The following AAMDC variants were observed in gnomAD, a reference collection of about 807,000 sequenced individuals.
AAMDC encodes mth938 domain-containing protein.
In AAMDC, 16 loss-of-function variants were observed where a neutral mutation model predicts 15.5. That is an observed-to-expected ratio of 1.03 (90% CI 0.70 to 1.57). AAMDC has a LOEUF of 1.57. AAMDC is among the 40% of genes most tolerant of loss of function. AAMDC has a pLI of 0.00. For missense variants in AAMDC, 141 were observed against 144.9 expected (o/e 0.97, Z 0.14); for synonymous variants, 51 against 51.6 (o/e 0.99, Z 0.05).
At chr11:77,877,737 A>G (rs1472979831) in intron 5 of AAMDC, among the ~76,000 whole-genome samples, 1 of 151,012 alleles carries the variant, frequency 6.6e-6, no homozygotes, top group Non-Finnish European at 1.5e-5. Context: ...TGACTGTTAT[A>G]TCACACTTGC....
chr11:77,852,239 A>AAAAAAAAAAAAAAAG lies in AAMDC; in HGVS notation c.132+9613_132+9614insAAAAAAAAAAAAGAA, dbSNP rs1565205847. On this transcript the variant is annotated intron_variant, in intron 2 of 3. Coordinates refer to ENST00000393427, the MANE Select transcript of AAMDC (RefSeq NM_024684.4). The stretch of plus-strand genomic sequence containing the variant: ...GACACTGTCTCAAAAAAAAAAAAAA[A>AAAAAAAAAAAAAAAG]AAGAAGAAGAAGAAGAAGTTCAAAG... Among the ~76,000 whole-genome samples the AAAAAAAAAAAAAAAG allele has an allele frequency of 9.7e-5, 13 of 133,834 alleles. No individual in the cohort carries two copies. In the East Asian group the frequency reaches 1.9e-3, roughly 20 times the overall value. 87.8% of individuals were successfully genotyped at this position (133,834 alleles called of 152,430 possible).
At chr11:77,836,329 A>T (rs539372119) in intron 1 of AAMDC, among the ~76,000 whole-genome samples, 1 of 152,170 alleles carries the variant, frequency 6.6e-6, no homozygotes, top group South Asian at 2.1e-4. Context: ...AAATGAGATC[A>T]TAAGAGTCAG....
chr11:77,874,802 C>T (rs1320143503), downstream of AAMDC, among the ~76,000 whole-genome samples: 6 of 152,046 alleles, frequency 3.9e-5, no homozygotes, highest in Non-Finnish European at 7.4e-5. Context: ...TTTGGGAGGC[C>T]GAGGTGGGCA....
At chr11:77,864,859 C>T (rs1951038663) in intron 2 of AAMDC, among the ~76,000 whole-genome samples, 1 of 152,086 alleles carries the variant, frequency 6.6e-6, no homozygotes. Context: ...CATCTGTATT[C>T]CCAGCTACTT....
chr11:77,901,416 C>T, downstream of AAMDC: 4 of 1,613,950 alleles, frequency 2.5e-6, no homozygotes, highest in Non-Finnish European at 3.4e-6. Context: ...AACCCCACAT[C>T]TTACCCTCGT....
chr11:77,885,146 C>T (rs1951949319), intron 5 of AAMDC, among the ~76,000 whole-genome samples: 1 of 151,898 alleles, frequency 6.6e-6, no homozygotes, highest in African/African-American at 2.4e-5. Flanking sequence ...GGCATGATCT[C>T]GGCTCACTGC....
chr11:77,855,493 C>CTTT, intron 2 of AAMDC: 1 of 191,958 alleles, frequency 5.2e-6, no homozygotes, highest in Non-Finnish European at 1.1e-5. Context: ...GTAACTTTTT[C>CTTT]TTTTTTTTTG....
chr11:77,826,895 A>G (rs1949201332), intron 1 of AAMDC, among the ~76,000 whole-genome samples: 1 of 152,314 alleles, frequency 6.6e-6, no homozygotes, highest in African/African-American at 2.4e-5. Flanking sequence ...ACCTGAGGTC[A>G]GAAGTTCGAG....
chr11:77,898,511 AATCTTC>A (rs1333681723), intron 5 of AAMDC, among the ~76,000 whole-genome samples: 1 of 152,142 alleles, frequency 6.6e-6, no homozygotes, highest in Non-Finnish European at 1.5e-5. Context: ...AGCATACTAA[AATCTTC>A]ATCTTCATCT....
At chr11:77,894,205 GAT>G (rs1464415195) in intron 5 of AAMDC, 9 of 700,414 alleles carry the variant, frequency 1.3e-5, no homozygotes, top group Non-Finnish European at 1.7e-5. Flanking sequence ...CAAGGAATGT[GAT>G]TTGTGATTGT....
At chr11:77,846,358 C>G (rs1188862879) in intron 2 of AAMDC, among the ~76,000 whole-genome samples, 1 of 152,180 alleles carries the variant, frequency 6.6e-6, no homozygotes, top group East Asian at 1.9e-4. Context: ...GTGGCTCACG[C>G]CTGTGATCAC....
At chr11:77,827,797 G>A (rs1222808946) in intron 1 of AAMDC, among the ~76,000 whole-genome samples, 2 of 152,004 alleles carry the variant, frequency 1.3e-5, no homozygotes, top group Admixed American at 6.6e-5. Flanking sequence ...AAAATAAAAG[G>A]CATCCAGATT....
At chr11:77,841,732 GC>G (rs1949941575) in intron 1 of AAMDC, among the ~76,000 whole-genome samples, 1 of 152,094 alleles carries the variant, frequency 6.6e-6, no homozygotes, top group South Asian at 2.1e-4. Flanking sequence ...AGCTTATAAA[GC>G]CCCCTGTGGC....
Position 77,839,308 on chromosome 11 carries a change from T to G in AAMDC, c.-18-3171T>G, listed in dbSNP as rs532252788. Among the ~76,000 whole-genome samples, 30 of 152,236 alleles carry G rather than the reference T, an allele frequency of 2.0e-4. No homozygotes were observed. In the South Asian group the frequency reaches 2.3e-3, roughly 12 times the overall value. On this transcript the variant is annotated intron_variant, in intron 1 of 3. Coordinates refer to ENST00000393427, the MANE Select transcript of AAMDC (RefSeq NM_024684.4). ...TGCAAAGCCAACACACTTGGCTTTT[T>G]TTTGTTTGTTTGTTTTTGTAGAAAC...
chr11:77,888,035 G>A (rs1336307109), intron 5 of AAMDC, among the ~76,000 whole-genome samples: 1 of 152,114 alleles, frequency 6.6e-6, no homozygotes, highest in East Asian at 1.9e-4. Flanking sequence ...TCCCCATCAA[G>A]CTACCAATGA....
At chr11:77,875,065 G>T (rs1951559944), downstream of AAMDC, among the ~76,000 whole-genome samples, 1 of 150,842 alleles carries the variant, frequency 6.6e-6, no homozygotes, top group South Asian at 2.1e-4. Flanking sequence ...AAGACATGAA[G>T]CTGGCCACAG....
At chr11:77,862,308 G>A (rs1027438624) in intron 2 of AAMDC, among the ~76,000 whole-genome samples, 1 of 152,184 alleles carries the variant, frequency 6.6e-6, no homozygotes, top group African/African-American at 2.4e-5. Flanking sequence ...TGGCGTTAGT[G>A]TCTGATTTAG....
chr11:77,837,931 G>T (rs1441507784), intron 1 of AAMDC, among the ~76,000 whole-genome samples: 1 of 152,078 alleles, frequency 6.6e-6, no homozygotes, highest in Admixed American at 6.6e-5. Context: ...AAATTAGCTG[G>T]ATATGGTGCC....
At chr11:77,877,132 T>C (rs977217641), downstream of AAMDC, 2 of 671,664 alleles carry the variant, frequency 3.0e-6, no homozygotes, top group East Asian at 2.7e-5. Flanking sequence ...CTCGTGGAAA[T>C]AGACTGCCTG....
Sources: gnomAD v4.1 joint callset for allele counts (sites outside exome capture counted in the v4.1 genomes callset) on GRCh38, gnomAD v4.1.1 for gene constraint, MANE v1.5 for transcripts, NCBI Gene and HGNC (gene_info 2026-07-23, HGNC 2026-07-21) for gene names.